PPARGC1A: variants seen among roughly 807,000 people sequenced by gnomAD.
The protein encoded by PPARGC1A is PPARG coactivator 1 alpha.
In PPARGC1A, 25 loss-of-function variants were observed where a neutral mutation model predicts 88.7. The observed-to-expected ratio is 0.28, with a 90% CI of 0.21 to 0.39. The LOEUF (loss-of-function observed/expected upper bound fraction) is 0.39. Ranked by LOEUF, PPARGC1A falls within the 10% of genes least tolerant of loss-of-function variation. PPARGC1A has a pLI of 1.00. For missense variants in PPARGC1A, 880 were observed against 968.7 expected (o/e 0.91, Z 1.22); for synonymous variants, 363 against 355.6 (o/e 1.02, Z -0.24).
chr4:23,810,854 C>T (rs1720769394), intron 10 of PPARGC1A, among the ~76,000 whole-genome samples: 2 of 152,252 alleles, frequency 1.3e-5, no homozygotes, highest in South Asian at 2.1e-4. Flanking sequence ...TATTAAAAGG[C>T]TTTGTAAATT....
intron 1 of PPARGC1A, chr4:23,889,189 T>C (rs932048455): frequency 1.0e-6 from 1 of 985,212 alleles, no homozygotes. Flanking sequence ...CTGCATAAAC[T>C]CTATTCTCTC....
chr4:24,445,709 C>T, the PPARGC1A span, among the ~76,000 whole-genome samples: 2 of 152,106 alleles, frequency 1.3e-5, no homozygotes, highest in South Asian at 4.1e-4. Context: ...GTCTAGTGGG[C>T]AGGAAGGGGA....
At chr4:24,122,414 T>TGC in the PPARGC1A span, among the ~76,000 whole-genome samples, 6 of 112,192 alleles carry the variant, frequency 5.3e-5, no homozygotes, top group South Asian at 1.7e-3. Flanking sequence ...TGTGTGTGTG[T>TGC]GCATATATAT....
At chr4:24,108,679 T>G in the PPARGC1A span, among the ~76,000 whole-genome samples, 15 of 152,072 alleles carry the variant, frequency 9.9e-5, no homozygotes, top group Non-Finnish European at 1.8e-4. Flanking sequence ...TTGTACAAGA[T>G]CTCAGCGCTG....
At chr4:24,327,928 C>T in the PPARGC1A span, among the ~76,000 whole-genome samples, 2 of 152,136 alleles carry the variant, frequency 1.3e-5, no homozygotes, top group African/African-American at 4.8e-5. Context: ...AGTGAAAAGG[C>T]CCTGCCCCAC....
At chr4:23,916,789 A>G in the PPARGC1A span, among the ~76,000 whole-genome samples, 3 of 152,246 alleles carry the variant, frequency 2.0e-5, no homozygotes, top group Non-Finnish European at 4.4e-5. Flanking sequence ...ACCACCATTT[A>G]AAAAATAAAT....
the PPARGC1A span, among the ~76,000 whole-genome samples, chr4:24,320,555 T>A: frequency 5.3e-5 from 8 of 152,238 alleles, no homozygotes; most frequent in Non-Finnish European, 8.8e-5. Context: ...TAAATATGTT[T>A]AAGCATCAGG....
the PPARGC1A span, among the ~76,000 whole-genome samples, chr4:24,105,030 T>C: frequency 6.6e-6 from 1 of 152,168 alleles, no homozygotes; most frequent in Non-Finnish European, 1.5e-5. Flanking sequence ...TGGCACGTGG[T>C]TCAAGGTGAG....
At chr4:23,980,278 A>G in the PPARGC1A span, among the ~76,000 whole-genome samples, 1 of 151,808 alleles carries the variant, frequency 6.6e-6, no homozygotes, top group African/African-American at 2.4e-5. Flanking sequence ...TATCTGCTCA[A>G]ACATCTTCAG....
chr4:23,862,508 G>T (rs915154305), intron 2 of PPARGC1A, among the ~76,000 whole-genome samples: 9 of 152,096 alleles, frequency 5.9e-5, no homozygotes. Flanking sequence ...AGTTCTTCTG[G>T]TTACTTTCTG....
chr4:24,421,547 G>A, the PPARGC1A span, among the ~76,000 whole-genome samples: 1 of 152,020 alleles, frequency 6.6e-6, no homozygotes, highest in African/African-American at 2.4e-5. Flanking sequence ...TCCTGACCTC[G>A]TGATCCACCC....
the PPARGC1A span, among the ~76,000 whole-genome samples, chr4:24,328,900 G>A: frequency 2.6e-5 from 4 of 152,240 alleles, no homozygotes; most frequent in Admixed American, 1.3e-4. Context: ...TTATAGTCTC[G>A]GAACCAAACT....
chr4:24,063,575 T>A, the PPARGC1A span, among the ~76,000 whole-genome samples: 1 of 152,112 alleles, frequency 6.6e-6, no homozygotes, highest in South Asian at 2.1e-4. Flanking sequence ...TAGCGATAAA[T>A]ATTAATGTCC....
chr4:24,358,506 A>G, the PPARGC1A span, among the ~76,000 whole-genome samples: 1 of 152,104 alleles, frequency 6.6e-6, no homozygotes, highest in African/African-American at 2.4e-5. Flanking sequence ...CTCTGTATTG[A>G]CCCAAGTTCT....
chr4:24,273,506 A>G, the PPARGC1A span, among the ~76,000 whole-genome samples: 1 of 152,158 alleles, frequency 6.6e-6, no homozygotes, highest in Admixed American at 6.5e-5. Flanking sequence ...ACACTGTATC[A>G]TCTCAGAACC....
the PPARGC1A span, among the ~76,000 whole-genome samples, chr4:24,217,716 T>C: frequency 6.6e-6 from 1 of 152,066 alleles, no homozygotes; most frequent in Non-Finnish European, 1.5e-5. Context: ...GGCAGGAGAA[T>C]CACTTGAGCC....
chr4:24,371,131 A>G, the PPARGC1A span, among the ~76,000 whole-genome samples: 2 of 152,080 alleles, frequency 1.3e-5, no homozygotes, highest in Non-Finnish European at 2.9e-5. Context: ...TTATGGCTGC[A>G]TTGTATTCCA....
At chr4:24,339,473 CT>C in the PPARGC1A span, among the ~76,000 whole-genome samples, 1 of 151,634 alleles carries the variant, frequency 6.6e-6, no homozygotes. Context: ...GCCTTTTTAC[CT>C]TTGTTCACAC....
chr4:24,333,940 CAAAAAAAAAAAAAAAA>C, the PPARGC1A span, among the ~76,000 whole-genome samples: 28 of 13,830 alleles, frequency 2.0e-3, no homozygotes, highest in African/African-American at 5.2e-3. Context: ...ACAACAACAA[CAAAAAAAAAAAAAAAA>C]AAAAAAAAAG....
Sources: allele counts gnomAD v4.1 joint callset (sites outside exome capture counted in the v4.1 genomes callset), GRCh38; gene constraint gnomAD v4.1.1; transcripts MANE v1.5; gene names NCBI Gene and HGNC (gene_info 2026-07-23, HGNC 2026-07-21).